The following KMT2C variants were observed in gnomAD, a reference collection of about 807,000 sequenced individuals.
KMT2C encodes lysine methyltransferase 2C, also known as histone-lysine N-methyltransferase 2C.
Under a neutral mutation model 507.9 loss-of-function variants are expected in KMT2C, and 88 were observed. The ratio of observed to expected loss-of-function variants is 0.17; its 90% CI spans 0.15 to 0.21. The LOEUF is 0.21. Ranked by LOEUF, KMT2C falls within the 10% of genes least tolerant of loss-of-function variation. The probability of loss-of-function intolerance (pLI) is 1.00; values close to 1 mark genes in which losing one functional copy is unlikely to be tolerated. For synonymous variants in KMT2C, 2,049 were observed against 2,080.8 expected, an observed-to-expected ratio of 0.98 and a Z score of 0.42; for missense variants, 4,954 against 5,957.8, an observed-to-expected ratio of 0.83 and a Z score of 5.55.
rs778456763 is a variant in KMT2C at position 152,180,767 on chromosome 7, T to A, written c.7093A>T (p.Thr2365Ser). The A allele has an allele frequency of 1.2e-6, 2 of 1,614,154 alleles. No homozygotes were observed. The highest frequency in any genetic ancestry group is 1.7e-6 in the Non-Finnish European group (2 of 1,180,018). ...LPGPVPTSGV[T>S]DTQNTVNMAQ... is the part of the protein sequence containing the mutation. Reference sequence around the variant, plus strand: ...ATATTTACAGTATTCTGTGTATCAGTTACTCCTGAAGTTGGCACAGGTCCA... The same window carrying A: ...ATATTTACAGTATTCTGTGTATCAGATACTCCTGAAGTTGGCACAGGTCCA... The change falls in exon 36 of 59, where the codon ACT (threonine) becomes TCT (serine). Residue 2365 changes from threonine to serine, a missense_variant. Thr to Ser is a moderately conservative substitution (Grantham distance 58). Around this residue, in one of 29 missense-constraint regions of KMT2C, gnomAD observed 1,689 missense variants for 1,654.3 expected, o/e 1.02. Transcript: ENST00000262189.
chr7:152,315,380 CT>C (rs1331313566), intron 3 of KMT2C, 42 bp from the exon 4 acceptor site: 18 of 1,374,366 alleles, frequency 1.3e-5, no homozygotes, highest in Non-Finnish European at 1.7e-5. Flanking sequence ...AGAAAAGTAG[CT>C]TTATTCAACT....
chr7:152,331,762 C>T (rs1162258456), intron 2 of KMT2C, among the ~76,000 whole-genome samples: 1 of 150,588 alleles, frequency 6.6e-6, no homozygotes, highest in Non-Finnish European at 1.5e-5. Flanking sequence ...AATTCTCCTG[C>T]CTCAGCCTCC....
intron 18 of KMT2C, among the ~76,000 whole-genome samples, chr7:152,226,384 C>G (rs983082522): frequency 6.6e-6 from 1 of 151,852 alleles, no homozygotes; most frequent in Non-Finnish European, 1.5e-5. Flanking sequence ...AGGAATGAGC[C>G]ACCACACCCA....
At chr7:152,210,687 T>A (rs1258533339) in intron 23 of KMT2C, among the ~76,000 whole-genome samples, 1 of 151,272 alleles carries the variant, frequency 6.6e-6, no homozygotes, top group African/African-American at 2.4e-5. Context: ...CCTGAGAACA[T>A]AAAAGACAAT....
intron 1 of KMT2C, among the ~76,000 whole-genome samples, chr7:152,383,534 GATT>G (rs1304551528): frequency 6.6e-6 from 1 of 151,806 alleles, no homozygotes; most frequent in Non-Finnish European, 1.5e-5. Flanking sequence ...GGAAAGGAGG[GATT>G]ATATTACACA....
intron 20 of KMT2C, among the ~76,000 whole-genome samples, 153 bp downstream of exon 20, chr7:152,223,862 G>A (rs1336725774): frequency 1.3e-5 from 2 of 151,632 alleles, no homozygotes; most frequent in East Asian, 1.9e-4. Context: ...ACAGGAAATC[G>A]CTTCTGTAAG....
chr7:152,189,438 C>A (rs988187278), intron 31 of KMT2C, among the ~76,000 whole-genome samples: 2 of 152,050 alleles, frequency 1.3e-5, no homozygotes, highest in African/African-American at 2.4e-5. Flanking sequence ...ACAGAGTTGA[C>A]CAATACTTGG....
intron 1 of KMT2C, among the ~76,000 whole-genome samples, chr7:152,372,725 A>G (rs2097301608): frequency 6.6e-6 from 1 of 152,200 alleles, no homozygotes; most frequent in African/African-American, 2.4e-5. Context: ...ATAAAGCACT[A>G]TCAATAGAAC....
At chr7:152,213,381 G>C (rs930408878) in intron 23 of KMT2C, among the ~76,000 whole-genome samples, 1 of 152,110 alleles carries the variant, frequency 6.6e-6, no homozygotes, top group Non-Finnish European at 1.5e-5. Flanking sequence ...TGGATCAATG[G>C]AACTGAATAC....
intron 51 of KMT2C, among the ~76,000 whole-genome samples, chr7:152,149,724 C>A (rs913629819): frequency 6.6e-5 from 10 of 152,168 alleles, no homozygotes; most frequent in African/African-American, 1.9e-4. Context: ...TCTGATCCGG[C>A]TGCTGAAACA....
At chr7:152,422,865 T>C (rs989837411) in intron 1 of KMT2C, among the ~76,000 whole-genome samples, 1 of 150,302 alleles carries the variant, frequency 6.7e-6, no homozygotes, top group South Asian at 2.1e-4. Flanking sequence ...CTAATAAAAA[T>C]ACAAAAAATT....
intron 6 of KMT2C, among the ~76,000 whole-genome samples, chr7:152,283,008 A>C (rs1276809736): frequency 2.0e-5 from 3 of 152,062 alleles, no homozygotes; most frequent in Non-Finnish European, 4.4e-5. Flanking sequence ...TAGTGGGTTA[A>C]GAGTTTGTTT....
At chr7:152,283,703 C>G (rs906494942) in intron 6 of KMT2C, among the ~76,000 whole-genome samples, 32 of 152,036 alleles carry the variant, frequency 2.1e-4, no homozygotes, top group Non-Finnish European at 4.3e-4. Context: ...CTTTGGTGAA[C>G]AAACTGTTTG....
At chr7:152,289,128 TA>T (rs2096361305) in intron 6 of KMT2C, among the ~76,000 whole-genome samples, 1 of 152,288 alleles carries the variant, frequency 6.6e-6, no homozygotes, top group South Asian at 2.1e-4. Flanking sequence ...ATATGGGCAA[TA>T]AAACAGACTT....
chr7:152,199,153 T>G (rs1383624804), intron 27 of KMT2C, 126 bp downstream of exon 27: 3 of 696,886 alleles, frequency 4.3e-6, no homozygotes, highest in Admixed American at 7.3e-5. Flanking sequence ...ATGTAAGTTA[T>G]ACTTCAATGC....
intron 1 of KMT2C, among the ~76,000 whole-genome samples, chr7:152,363,156 T>A (rs1430630385): frequency 6.6e-6 from 1 of 152,172 alleles, no homozygotes; most frequent in Middle Eastern, 3.2e-3. Flanking sequence ...CCATATTGAG[T>A]CAGATATTTC....
intron 12 of KMT2C, among the ~76,000 whole-genome samples, chr7:152,250,595 A>G (rs2095548114): frequency 6.6e-6 from 1 of 152,226 alleles, no homozygotes; most frequent in Non-Finnish European, 1.5e-5. Context: ...TAAAGAAATA[A>G]AAATACGAAT....
intron 6 of KMT2C, among the ~76,000 whole-genome samples, chr7:152,295,462 G>A (rs1176322118): frequency 2.6e-5 from 4 of 152,134 alleles, no homozygotes; most frequent in African/African-American, 9.7e-5. Context: ...ACCCTGTAAA[G>A]GGTGACCCTC....
intron 3 of KMT2C, among the ~76,000 whole-genome samples, chr7:152,329,670 A>AGGAGGGAGAAAG (rs746269344): frequency 5.8e-5 from 8 of 138,902 alleles, no homozygotes; most frequent in African/African-American, 2.1e-4. Flanking sequence ...ATGGAGGGGA[A>AGGAGGGAGAAAG]GGAGGGAGAA....
Sources: gnomAD v4.1 joint callset for allele counts (sites outside exome capture counted in the v4.1 genomes callset) on GRCh38, gnomAD v4.1.1 for gene constraint, gnomAD v4.1.1 regional missense constraint, MANE v1.5 for transcripts, NCBI Gene and HGNC (gene_info 2026-07-23, HGNC 2026-07-21) for gene names.